The following HSD17B12 variants were observed in gnomAD, a reference collection of about 807,000 sequenced individuals.
HSD17B12 encodes the protein hydroxysteroid 17-beta dehydrogenase 12, also known as very-long-chain 3-oxoacyl-CoA reductase.
In HSD17B12, 32 loss-of-function variants were observed where a neutral mutation model predicts 39.3. The observed-to-expected ratio is 0.81, with a 90% CI of 0.61 to 1.09. HSD17B12 has a LOEUF of 1.09. Among genes scored for constraint, HSD17B12 ranks in the 50% least tolerant of loss-of-function variants. The pLI is 0.00. For synonymous variants in HSD17B12, 150 were observed against 146.7 expected, an observed-to-expected ratio of 1.02 and a Z score of -0.16; for missense variants, 342 against 382.9, an observed-to-expected ratio of 0.89 and a Z score of 0.89.
intron 3 of HSD17B12, among the ~76,000 whole-genome samples, chr11:43,778,324 G>A (rs1315407724): frequency 1.3e-5 from 2 of 152,202 alleles, no homozygotes; most frequent in Non-Finnish European, 2.9e-5. Context: ...AACAGGATCT[G>A]AAATTGTGGC....
the HSD17B12 span, among the ~76,000 whole-genome samples, chr11:43,581,839 A>G: frequency 6.6e-6 from 1 of 152,248 alleles, no homozygotes; most frequent in Admixed American, 6.5e-5. This position sits in a 1 kb window ranked among gnomAD's most constrained non-coding sequence, Gnocchi z 4.9. Context: ...TGCAAAGAAA[A>G]GGATCTGAGC....
intron 3 of HSD17B12, among the ~76,000 whole-genome samples, chr11:43,768,523 C>T (rs762072085): frequency 2.2e-4 from 33 of 152,138 alleles, no homozygotes; most frequent in African/African-American, 2.2e-4. Context: ...CAAAGAGGTT[C>T]CCCTTGAGTG....
the HSD17B12 span, among the ~76,000 whole-genome samples, chr11:43,589,646 T>A: frequency 0.61 from 92,699 of 151,950 alleles, 28,561 homozygotes; most frequent in East Asian, 0.73. Context: ...GTTTTAAAAA[T>A]AATTATAATA....
At chr11:43,822,951 G>A (rs1020540481) in intron 6 of HSD17B12, among the ~76,000 whole-genome samples, 1 of 151,978 alleles carries the variant, frequency 6.6e-6, no homozygotes, top group Non-Finnish European at 1.5e-5. Flanking sequence ...CCCACCAACC[G>A]TGTGGAAGAG....
At chr11:43,579,670 G>A in the HSD17B12 span, among the ~76,000 whole-genome samples, 1 of 152,024 alleles carries the variant, frequency 6.6e-6, no homozygotes, top group East Asian at 2.0e-4. Context: ...CCTCTGGCGC[G>A]GCGGGCGCGC....
the HSD17B12 span, among the ~76,000 whole-genome samples, chr11:43,657,761 T>G: frequency 6.6e-6 from 1 of 152,168 alleles, no homozygotes; most frequent in African/African-American, 2.4e-5. Context: ...GAGTTTCTGC[T>G]GAGAGATCAG....
chr11:43,574,047 C>G, the HSD17B12 span, among the ~76,000 whole-genome samples: 1 of 152,216 alleles, frequency 6.6e-6, no homozygotes, highest in Non-Finnish European at 1.5e-5. Context: ...TGTATGCAAT[C>G]GTGAGCTAAA....
chr11:43,754,956 G>A (rs1950496532), intron 3 of HSD17B12: 21 of 720,270 alleles, frequency 2.9e-5, no homozygotes, highest in South Asian at 2.9e-4. Flanking sequence ...ATAAACCAAT[G>A]CTGTTCATTT....
the HSD17B12 span, among the ~76,000 whole-genome samples, chr11:43,606,476 T>C: frequency 7.2e-5 from 11 of 152,224 alleles, no homozygotes; most frequent in African/African-American, 2.7e-4. Context: ...ATCCTACCTG[T>C]CTATGTTCAT....
In HSD17B12 at chr11:43,718,690, A is replaced by G. The variant is rs1950148334; in HGVS notation, c.161-32221A>G. The G allele has an allele frequency of 2.3e-5, 20 of 886,462 alleles. No homozygotes were observed. The South Asian group carries it at 2.3e-4, about 10-fold the overall frequency. The allele number at this position is 886,462 out of a possible 1,614,324, so 54.9% of individuals were successfully genotyped here. A position where few individuals can be genotyped will look rare whatever the true frequency, so the allele number is the denominator to read the frequency against. Reference sequence around the variant, plus strand: ...CTTTTCACAAGATGGCGCTGAAAGCAAAGAAGGAAGCTCCTGCCCCTCCTA... The same window carrying G: ...CTTTTCACAAGATGGCGCTGAAAGCGAAGAAGGAAGCTCCTGCCCCTCCTA... On this transcript the variant is annotated intron_variant, in intron 1 of 10. Transcript: ENST00000278353.
intron 4 of HSD17B12, among the ~76,000 whole-genome samples, chr11:43,809,455 G>C (rs760225828): frequency 6.6e-6 from 1 of 152,100 alleles, no homozygotes; most frequent in Non-Finnish European, 1.5e-5. Flanking sequence ...TATATACACT[G>C]TTACTAAAGT....
the HSD17B12 span, among the ~76,000 whole-genome samples, chr11:43,574,052 G>A: frequency 6.6e-6 from 1 of 152,232 alleles, no homozygotes; most frequent in Non-Finnish European, 1.5e-5. Flanking sequence ...GCAATCGTGA[G>A]CTAAAAATAA....
chr11:43,559,840 G>A, the HSD17B12 span: 3 of 155,938 alleles, frequency 1.9e-5, no homozygotes, highest in African/African-American at 7.2e-5. Flanking sequence ...CACCTTGGAT[G>A]AGCCCTGGTG....
the HSD17B12 span, among the ~76,000 whole-genome samples, chr11:43,634,596 C>T: frequency 6.6e-6 from 1 of 152,174 alleles, no homozygotes; most frequent in Non-Finnish European, 1.5e-5. Context: ...TTGTGGTCTC[C>T]TTTTCCCACT....
At chr11:43,640,506 A>G in the HSD17B12 span, among the ~76,000 whole-genome samples, 13 of 152,210 alleles carry the variant, frequency 8.5e-5, no homozygotes, top group African/African-American at 3.1e-4. Flanking sequence ...TGTTCGAGAA[A>G]ATTGATTTGA....
chr11:43,745,153 C>T (rs1172922819), intron 1 of HSD17B12, among the ~76,000 whole-genome samples: 2 of 152,232 alleles, frequency 1.3e-5, no homozygotes, highest in African/African-American at 4.8e-5. Context: ...AGACAATATA[C>T]ATGAGGCAGA....
chr11:43,700,524 A>G (rs1949954462), intron 1 of HSD17B12, among the ~76,000 whole-genome samples: 2 of 151,804 alleles, frequency 1.3e-5, no homozygotes, highest in Non-Finnish European at 2.9e-5. Flanking sequence ...CCATCCTTCT[A>G]CTGTCTGTCC....
At position 43,707,771 on chromosome 11, in the gene HSD17B12, T is replaced by TC. The variant is rs201153224; in HGVS notation, c.160+26787dup. On this transcript the variant is annotated intron_variant, in intron 1 of 10. Coordinates refer to ENST00000278353, the MANE Select transcript of HSD17B12 (RefSeq NM_016142.3). Reference sequence around the variant, plus strand: ...CTTAATTAATCTCACCTGTTATTTTTCCCGCACTTGTTACTTTACAAAAAT... The same window carrying TC: ...CTTAATTAATCTCACCTGTTATTTTTCCCCGCACTTGTTACTTTACAAAAAT... Among the ~76,000 whole-genome samples the TC allele has an allele frequency of 1.1e-4, 17 of 152,342 alleles. No individual in the cohort carries two copies. The East Asian group carries it at 3.1e-3, about 28-fold the overall frequency.
chr11:43,640,559 GT>G, the HSD17B12 span, among the ~76,000 whole-genome samples: 1 of 151,816 alleles, frequency 6.6e-6, no homozygotes, highest in African/African-American at 2.4e-5. Context: ...TAGGGTTTAG[GT>G]TTTTTTCTTT....
Sources: allele counts gnomAD v4.1 joint callset (sites outside exome capture counted in the v4.1 genomes callset), GRCh38; gene constraint gnomAD v4.1.1; non-coding constraint Gnocchi (gnomAD v3.1); transcripts MANE v1.5; gene names NCBI Gene and HGNC (gene_info 2026-07-23, HGNC 2026-07-21).